The following NCKAP5 variants were observed in gnomAD, a reference collection of about 807,000 sequenced individuals.
The protein encoded by NCKAP5 is nck-associated protein 5.
In NCKAP5, 92 loss-of-function variants were observed where a neutral mutation model predicts 167.0. The observed-to-expected ratio is 0.55, with a 90% confidence interval of 0.47 to 0.66. The LOEUF (loss-of-function observed/expected upper bound fraction) is 0.66, where lower values mean the gene tolerates loss of function less well. NCKAP5 is among the 30% of genes least tolerant of loss of function. The pLI is 0.00. For missense variants in NCKAP5, 2,378 were observed against 2,315.0 expected (o/e 1.03, Z -0.56); for synonymous variants, 891 against 877.4 (o/e 1.02, Z -0.27).
rs779508985 is a variant in NCKAP5, at chr2:132,782,968, G to C, written c.3843C>G (p.His1281Gln). 4.3e-6 allele frequency: 7 copies of C among 1,613,912 alleles called. No individual in the cohort carries two copies. In the African/African-American group the frequency reaches 6.7e-5, roughly 15 times the overall value. Residue 1281 changes from histidine (H) to glutamine (Q), a missense_variant, in exon 14 of 20, where the codon CAC becomes CAG. His to Gln is a conservative substitution (Grantham distance 24). This residue lies in a region of NCKAP5 where 1,325 missense variants were observed against 1,274.5 expected (regional missense o/e 1.04). Transcript: ENST00000409261. ...AKARSHSFST[H>Q]SGDKPSTPPI... Reference sequence around the variant, plus strand: ...GGGGCGTAGAAGGCTTGTCTCCTGAGTGTGTACTGAAGCTGTGGCTGCGGG... The same window carrying C: ...GGGGCGTAGAAGGCTTGTCTCCTGACTGTGTACTGAAGCTGTGGCTGCGGG...
At chr2:133,219,641 A>T (rs1034813048) in intron 4 of NCKAP5, among the ~76,000 whole-genome samples, 1 of 151,916 alleles carries the variant, frequency 6.6e-6, no homozygotes, top group Non-Finnish European at 1.5e-5. Context: ...GGGATTCCTC[A>T]GTAACTTGTA....
chr2:133,134,910 A>G (rs1338068177), intron 5 of NCKAP5, among the ~76,000 whole-genome samples: 1 of 152,234 alleles, frequency 6.6e-6, no homozygotes, highest in Admixed American at 6.5e-5. Context: ...CTAATTTAAT[A>G]GAGAACTGTG....
chr2:132,892,948 G>A (rs181514125), intron 8 of NCKAP5, among the ~76,000 whole-genome samples: 131 of 131,088 alleles, frequency 1.0e-3, no homozygotes, highest in Middle Eastern at 8.6e-3. Flanking sequence ...AAAAGACTGA[G>A]AATTTCTCTA....
rs547278607 is a variant in NCKAP5 at position 132,937,779 on chromosome 2, T to C, written c.579+25941A>G. On this transcript the variant is annotated intron_variant, in intron 8 of 19. Transcript: ENST00000409261. The stretch of plus-strand genomic sequence containing the variant: ...ACAGGATATAGTGGAATGTAAACTA[T>C]TGGGCTTCCACCAAAGATTTGTGGC... Among the ~76,000 whole-genome samples, 5 of 152,332 alleles carry C rather than the reference T, an allele frequency of 3.3e-5. No homozygotes were observed. In the East Asian group the frequency reaches 9.6e-4, roughly 29 times the overall value.
chr2:133,322,742 G>T (rs1312347041), intron 3 of NCKAP5, among the ~76,000 whole-genome samples: 2 of 152,114 alleles, frequency 1.3e-5, no homozygotes, highest in Non-Finnish European at 2.9e-5. Context: ...GAGTACTTTG[G>T]GTCTATTTCC....
chr2:133,171,082 G>T (rs755520495), intron 5 of NCKAP5, among the ~76,000 whole-genome samples: 1 of 152,094 alleles, frequency 6.6e-6, no homozygotes, highest in East Asian at 1.9e-4. Flanking sequence ...ACTTTCTCAC[G>T]CTAGAATTCT....
At chr2:133,580,522 C>G in the NCKAP5 span, among the ~76,000 whole-genome samples, 2 of 152,164 alleles carry the variant, frequency 1.3e-5, no homozygotes, top group African/African-American at 4.8e-5. Flanking sequence ...GGGGGGATGT[C>G]TGCCTCTACC....
rs1243647823 is a variant in NCKAP5 at position 132,754,866 on chromosome 2, G to T, written c.5128+18950C>A. ...TGAGGCAAGATATTAGAGTGATTCA[G>T]TCTTCAACTAAAGTTTCAGAAAATG... On this transcript the variant is annotated intron_variant, in intron 16 of 19. Coordinates refer to ENST00000409261, the MANE Select transcript of NCKAP5 (RefSeq NM_207363.3). 2.0e-5 allele frequency among the ~76,000 whole-genome samples: 3 copies of T among 152,226 alleles called. No individual in the cohort carries two copies. In the East Asian group the frequency reaches 5.8e-4, roughly 29 times the overall value.
intron 16 of NCKAP5, among the ~76,000 whole-genome samples, chr2:132,743,512 TA>T (rs1679382757): frequency 6.6e-6 from 1 of 151,752 alleles, no homozygotes; most frequent in Admixed American, 6.6e-5. Context: ...ATTTAAATGT[TA>T]AACCACTCAC....
intron 4 of NCKAP5, among the ~76,000 whole-genome samples, chr2:133,263,517 A>G (rs1033799568): frequency 6.6e-6 from 1 of 152,190 alleles, no homozygotes; most frequent in African/African-American, 2.4e-5. Context: ...AGTTTTCAAA[A>G]TGATACACAA....
chr2:133,095,993 T>G (rs2081334212), intron 6 of NCKAP5, among the ~76,000 whole-genome samples: 1 of 152,174 alleles, frequency 6.6e-6, no homozygotes. Flanking sequence ...TCCACAAGGT[T>G]GGCACATTTA....
At chr2:133,574,278 AC>A in the NCKAP5 span, among the ~76,000 whole-genome samples, 1 of 152,090 alleles carries the variant, frequency 6.6e-6, no homozygotes, top group Non-Finnish European at 1.5e-5. Flanking sequence ...CCCTGACCCC[AC>A]CAGATCATAA....
chr2:133,673,245 T>C, the NCKAP5 span, among the ~76,000 whole-genome samples: 3 of 152,200 alleles, frequency 2.0e-5, no homozygotes. Context: ...CTTTTCTTTT[T>C]CTGCAAGGCT....
At chr2:133,157,183 G>A (rs1051971481) in intron 5 of NCKAP5, among the ~76,000 whole-genome samples, 4 of 152,154 alleles carry the variant, frequency 2.6e-5, no homozygotes, top group Non-Finnish European at 5.9e-5. Context: ...GCTTTTGAAT[G>A]TAAGTATATC....
intron 8 of NCKAP5, among the ~76,000 whole-genome samples, chr2:132,939,487 G>A: frequency 6.6e-6 from 1 of 152,158 alleles, no homozygotes; most frequent in East Asian, 1.9e-4. Context: ...CACCAACACT[G>A]CTTATAAACA....
At chr2:133,205,536 T>A (rs549913857) in intron 5 of NCKAP5, among the ~76,000 whole-genome samples, 1 of 152,288 alleles carries the variant, frequency 6.6e-6, no homozygotes, top group East Asian at 1.9e-4. Flanking sequence ...TCAAAATAAA[T>A]CTTCAAGTGT....
intron 3 of NCKAP5, among the ~76,000 whole-genome samples, chr2:133,378,542 A>C (rs1686308718): frequency 6.6e-6 from 1 of 152,178 alleles, no homozygotes; most frequent in East Asian, 1.9e-4. Context: ...GGGGTGTGGG[A>C]GTGAAGAGTA....
chr2:133,380,335 G>A (rs1469050292), intron 3 of NCKAP5, among the ~76,000 whole-genome samples: 3 of 151,746 alleles, frequency 2.0e-5, no homozygotes, highest in African/African-American at 7.3e-5. Flanking sequence ...ATTTTTTTTA[G>A]TAAAACAAAA....
intron 4 of NCKAP5, among the ~76,000 whole-genome samples, chr2:133,235,588 T>C (rs1320816692): frequency 6.6e-6 from 1 of 151,968 alleles, no homozygotes; most frequent in East Asian, 1.9e-4. Context: ...AAAATAATAA[T>C]GCCAGAAAGT....
Sources: allele counts gnomAD v4.1 joint callset (sites outside exome capture counted in the v4.1 genomes callset), GRCh38; gene constraint gnomAD v4.1.1; regional missense constraint gnomAD v4.1.1; transcripts MANE v1.5; gene names NCBI Gene and HGNC (gene_info 2026-07-23, HGNC 2026-07-21).